Variants in DNAJC5B observed in about 807,000 individuals in gnomAD.
DNAJC5B encodes dnaJ homolog subfamily C member 5B.
Under a neutral mutation model 24.7 loss-of-function variants are expected in DNAJC5B, and 23 were observed. That is an observed-to-expected ratio of 0.93 (90% CI 0.67 to 1.32). The LOEUF (loss-of-function observed/expected upper bound fraction) is 1.32. Ranked by LOEUF, DNAJC5B falls within the 40% of genes most tolerant of loss-of-function variation. DNAJC5B has a pLI of 0.00. For missense variants in DNAJC5B, 238 were observed against 240.8 expected (o/e 0.99, Z 0.08); for synonymous variants, 101 against 90.1 (o/e 1.12, Z -0.68).
At chr8:66,029,875 G>T (rs557236094) in intron 1 of DNAJC5B, among the ~76,000 whole-genome samples, 1 of 152,220 alleles carries the variant, frequency 6.6e-6, no homozygotes, top group Admixed American at 6.5e-5. Flanking sequence ...CAGTGAGGGT[G>T]GGGGTGGTCG....
chr8:66,088,454 G>T (rs1395143241), intron 5 of DNAJC5B, among the ~76,000 whole-genome samples: 2 of 152,078 alleles, frequency 1.3e-5, no homozygotes, highest in Non-Finnish European at 2.9e-5. Context: ...CGTTACTTAT[G>T]CAAATTTCTG....
chr8:66,021,885 T>C (rs767331562), intron 1 of DNAJC5B, among the ~76,000 whole-genome samples, 180 bp downstream of exon 1: 2 of 152,208 alleles, frequency 1.3e-5, no homozygotes, highest in Non-Finnish European at 2.9e-5. Flanking sequence ...GTAGTCCACT[T>C]GTGCTGCTGG....
intron 5 of DNAJC5B, among the ~76,000 whole-genome samples, chr8:66,089,608 A>T (rs1807801978): frequency 6.6e-6 from 1 of 152,064 alleles, no homozygotes; most frequent in Admixed American, 6.5e-5. Context: ...CTACTCCTTG[A>T]CTCTAGCTAA....
At chr8:66,072,519 T>C (rs1807372614) in intron 3 of DNAJC5B, among the ~76,000 whole-genome samples, 1 of 152,108 alleles carries the variant, frequency 6.6e-6, no homozygotes, top group South Asian at 2.1e-4. Context: ...AGTCTCAAAT[T>C]TTAAAGGATT....
chr8:66,074,769 G>A (rs1056916500), intron 3 of DNAJC5B, among the ~76,000 whole-genome samples: 1 of 152,176 alleles, frequency 6.6e-6, no homozygotes, highest in Non-Finnish European at 1.5e-5. Flanking sequence ...CCTCCTTGAC[G>A]GTTGTGGAAT....
chr8:66,036,757 TTTTAA>T (rs1317978899), intron 1 of DNAJC5B, among the ~76,000 whole-genome samples: 1 of 152,254 alleles, frequency 6.6e-6, no homozygotes, highest in Non-Finnish European at 1.5e-5. Context: ...TTTTTTTTCT[TTTTAA>T]TTTAAGAACT....
intron 3 of DNAJC5B, among the ~76,000 whole-genome samples, chr8:66,066,757 T>C (rs1257804916): frequency 6.6e-6 from 1 of 152,158 alleles, no homozygotes; most frequent in African/African-American, 2.4e-5. Context: ...GATAAAAAAC[T>C]ACAATGTATA....
intron 5 of DNAJC5B, among the ~76,000 whole-genome samples, chr8:66,081,625 A>C (rs986575951): frequency 3.3e-5 from 5 of 152,140 alleles, no homozygotes; most frequent in African/African-American, 1.2e-4. Flanking sequence ...ATGCAGTGTT[A>C]AGTAATATCC....
At chr8:66,073,006 C>T (rs112277416) in intron 3 of DNAJC5B, among the ~76,000 whole-genome samples, 87 of 152,128 alleles carry the variant, frequency 5.7e-4, no homozygotes, top group Middle Eastern at 3.4e-3. Flanking sequence ...CTTTTGACAT[C>T]GTACTTGGGG....
chr8:66,018,147 T>C (rs1279847197), upstream of DNAJC5B, among the ~76,000 whole-genome samples: 1 of 152,178 alleles, frequency 6.6e-6, no homozygotes, highest in Non-Finnish European at 1.5e-5. Context: ...AGGAACCTGC[T>C]AAAAGTGTCA....
At chr8:66,022,568 A>G (rs1194683758) in intron 1 of DNAJC5B, among the ~76,000 whole-genome samples, 1 of 152,218 alleles carries the variant, frequency 6.6e-6, no homozygotes, top group African/African-American at 2.4e-5. Flanking sequence ...TCAGTTACCC[A>G]CAGGGGACCC....
At chr8:66,069,203 G>T (rs1232028238) in intron 3 of DNAJC5B, among the ~76,000 whole-genome samples, 1 of 151,764 alleles carries the variant, frequency 6.6e-6, no homozygotes, top group Non-Finnish European at 1.5e-5. Context: ...AGAATACGGT[G>T]ACTAAACCTG....
chr8:66,063,312 A>G (rs770362784), intron 3 of DNAJC5B, among the ~76,000 whole-genome samples: 5 of 152,208 alleles, frequency 3.3e-5, no homozygotes, highest in Non-Finnish European at 5.9e-5. Context: ...GGCAACCCCA[A>G]TCTGTGGTGC....
At chr8:66,049,664 C>T (rs1293342752) in intron 2 of DNAJC5B, among the ~76,000 whole-genome samples, 2 of 152,138 alleles carry the variant, frequency 1.3e-5, no homozygotes, top group Non-Finnish European at 2.9e-5. Context: ...TTAAGTGGTG[C>T]GTAACTGTAA....
At chr8:66,054,501 A>G (rs1806921138) in intron 3 of DNAJC5B, among the ~76,000 whole-genome samples, 1 of 152,234 alleles carries the variant, frequency 6.6e-6, no homozygotes, top group South Asian at 2.1e-4. Context: ...TCCTTAGCCC[A>G]CTAATACTTA....
At chr8:66,054,154 A>C (rs1406456499) in intron 3 of DNAJC5B, among the ~76,000 whole-genome samples, 2 of 152,084 alleles carry the variant, frequency 1.3e-5, no homozygotes, top group African/African-American at 4.8e-5. Flanking sequence ...TGCGGTATAA[A>C]GCTATGCCTT....
chr8:66,057,400 A>C (rs961722243), intron 3 of DNAJC5B: 1 of 152,238 alleles, frequency 6.6e-6, no homozygotes, highest in Admixed American at 6.5e-5. Flanking sequence ...ACCGATAAAC[A>C]ATAAACTGAA....
Position 66,100,182 on chromosome 8 carries a change from T to C in DNAJC5B, c.*151T>C. 1 of 614,258 alleles carries C rather than the reference T, an allele frequency of 1.6e-6. No homozygotes were observed. Among genetic ancestry groups the C allele is most frequent in the Non-Finnish European group, 2.8e-6 (1 of 361,744 alleles). 38.1% of individuals were successfully genotyped at this position (614,258 alleles called of 1,614,324 possible). A position where few individuals can be genotyped will look rare whatever the true frequency, so the allele number is the denominator to read the frequency against. On this transcript the variant is annotated 3_prime_UTR_variant, in exon 6 of 6. Coordinates refer to ENST00000276570, the MANE Select transcript of DNAJC5B (RefSeq NM_033105.6). ...TAGGAAAACATGATTGCTATATAAT[T>C]TTCTCAGTATGCAGACTTTCTCTCT...
At chr8:66,049,381 T>C (rs1240706206) in intron 2 of DNAJC5B, among the ~76,000 whole-genome samples, 1 of 152,240 alleles carries the variant, frequency 6.6e-6, no homozygotes, top group Non-Finnish European at 1.5e-5. Flanking sequence ...TTGAGCTCCA[T>C]TTGTGGCAAG....
Sources: allele counts gnomAD v4.1 joint callset (sites outside exome capture counted in the v4.1 genomes callset), GRCh38; gene constraint gnomAD v4.1.1; transcripts MANE v1.5; gene names NCBI Gene and HGNC (gene_info 2026-07-23, HGNC 2026-07-21).